Variants in PTN observed in about 807,000 individuals in gnomAD.
PTN encodes the protein pleiotrophin, also known as heparin affin regulatory protein.
A neutral mutation model predicts 24.1 loss-of-function variants in PTN; 18 were observed. The observed-to-expected ratio is 0.75, with a 90% CI of 0.52 to 1.11. The LOEUF is 1.11. PTN is among the 50% of genes least tolerant of loss of function. The probability of loss-of-function intolerance (pLI) is 0.00; values close to 1 mark genes in which losing one functional copy is unlikely to be tolerated. For missense variants in PTN, 163 were observed against 198.8 expected (o/e 0.82, Z 1.08); for synonymous variants, 78 against 68.6 (o/e 1.14, Z -0.67).
chr7:137,324,310 G>A lies in PTN; in HGVS notation c.-2+19129C>T, dbSNP rs146142094. Among the ~76,000 whole-genome samples the A allele has an allele frequency of 1.2e-4, 18 of 150,196 alleles. No homozygotes were observed. In the East Asian group the frequency reaches 2.7e-3, roughly 23 times the overall value. The stretch of plus-strand genomic sequence containing the variant: ...CTCGGAACGTGGAGAAAGAAGGACC[G>A]CCTAAGCCCAGGAGTGAATTCCTGG... On this transcript the variant is annotated intron_variant, in intron 1 of 4. Transcript: ENST00000348225.
At chr7:137,262,849 G>C (rs776250427) in intron 1 of PTN, among the ~76,000 whole-genome samples, 2 of 152,188 alleles carry the variant, frequency 1.3e-5, no homozygotes, top group Non-Finnish European at 2.9e-5. Flanking sequence ...TTACTACCAG[G>C]CTTAGGTCAG....
intron 1 of PTN, among the ~76,000 whole-genome samples, chr7:137,311,305 T>A (rs1028821098): frequency 6.6e-6 from 1 of 151,490 alleles, no homozygotes; most frequent in East Asian, 1.9e-4. Context: ...TGAAAAAAAA[T>A]GTTGTGATTG....
chr7:137,259,753 A>G (rs2128872359), intron 1 of PTN, among the ~76,000 whole-genome samples: 1 of 152,086 alleles, frequency 6.6e-6, no homozygotes, highest in Admixed American at 6.6e-5. Context: ...TTATCAGGAC[A>G]CAAATTAAAT....
rs147737391 is a variant in PTN, at chr7:137,311,345, T to G, written c.-2+32094A>C. On this transcript the variant is annotated intron_variant, in intron 1 of 4. Coordinates refer to ENST00000348225, the MANE Select transcript of PTN (RefSeq NM_002825.7). Reference sequence around the variant, plus strand: ...GAACTTGTATCCAGACCACTCAAACTTTCTCCATATCAACAATGAGGTTAT... The same window carrying G: ...GAACTTGTATCCAGACCACTCAAACGTTCTCCATATCAACAATGAGGTTAT... Among the ~76,000 whole-genome samples the G allele has an allele frequency of 2.7e-3, 407 of 152,316 alleles. 4 individuals are homozygous for G. The highest frequency in any genetic ancestry group is 9.3e-3 in the African/African-American group (388 of 41,566).
chr7:137,291,967 C>G (rs953880724), intron 1 of PTN, among the ~76,000 whole-genome samples: 2 of 152,156 alleles, frequency 1.3e-5, no homozygotes, highest in Non-Finnish European at 2.9e-5. Context: ...TGGCATCCTC[C>G]TCTAATAACC....
chr7:137,252,777 T>G lies in PTN; in HGVS notation c.289+687A>C, dbSNP rs147278254. ...ATTGTGGAAGAGGTTATTTGAGGGT[T>G]CAATACTGGATATAAAGTTGAAAGT... On this transcript the variant is annotated intron_variant, in intron 3 of 4. Coordinates refer to ENST00000348225, the MANE Select transcript of PTN (RefSeq NM_002825.7). 2.1e-3 allele frequency among the ~76,000 whole-genome samples: 314 copies of G among 151,978 alleles called. 14 individuals carry two copies. Among genetic ancestry groups the G allele is most frequent in the African/African-American group, 7.1e-3 (294 of 41,242 alleles).
intron 1 of PTN, among the ~76,000 whole-genome samples, chr7:137,337,513 T>C (rs2128883767): frequency 6.6e-6 from 1 of 152,300 alleles, no homozygotes; most frequent in South Asian, 2.1e-4. Flanking sequence ...TATAGCTACA[T>C]AGAAGTTATA....
chr7:137,239,526 A>G (rs888881349), intron 4 of PTN, among the ~76,000 whole-genome samples: 2 of 151,838 alleles, frequency 1.3e-5, no homozygotes, highest in Non-Finnish European at 2.9e-5. Context: ...CATTAGGTAT[A>G]TCTCCCAGTG....
intron 4 of PTN, among the ~76,000 whole-genome samples, chr7:137,241,979 A>C (rs903048069): frequency 6.6e-6 from 1 of 152,182 alleles, no homozygotes; most frequent in East Asian, 1.9e-4. Context: ...CTCCCAGCCT[A>C]GCAAAGCCCA....
At chr7:137,343,029 T>A (rs1362622944) in intron 1 of PTN, among the ~76,000 whole-genome samples, 1 of 151,848 alleles carries the variant, frequency 6.6e-6, no homozygotes. Context: ...GCTGGGAAAA[T>A]GAGAGCTGCT....
intron 1 of PTN, among the ~76,000 whole-genome samples, chr7:137,276,720 T>A (rs1249478038): frequency 6.6e-6 from 1 of 152,206 alleles, no homozygotes; most frequent in Non-Finnish European, 1.5e-5. Flanking sequence ...TGCATGGTAT[T>A]GGTGAAGTCT....
At chr7:137,296,474 T>A (rs1809719736) in intron 1 of PTN, among the ~76,000 whole-genome samples, 1 of 152,014 alleles carries the variant, frequency 6.6e-6, no homozygotes. Context: ...AGAGACAATT[T>A]GGTTTTGGAG....
chr7:137,252,663 T>C (rs1009346225), intron 3 of PTN, among the ~76,000 whole-genome samples: 1 of 151,872 alleles, frequency 6.6e-6, no homozygotes, highest in East Asian at 1.9e-4. Flanking sequence ...TCCTCACTTG[T>C]CTATGGGCCA....
intron 1 of PTN, among the ~76,000 whole-genome samples, chr7:137,310,630 T>G (rs900256714): frequency 6.6e-6 from 1 of 152,074 alleles, no homozygotes; most frequent in African/African-American, 2.4e-5. Context: ...GGTCTCAATC[T>G]CCTGACCTCA....
intron 2 of PTN, among the ~76,000 whole-genome samples, chr7:137,254,370 G>A (rs1808881271): frequency 6.6e-6 from 1 of 151,774 alleles, no homozygotes; most frequent in South Asian, 2.1e-4. Flanking sequence ...TCTCTGCCTT[G>A]TAGAAGGAAT....
chr7:137,274,250 C>A (rs1005266528), intron 1 of PTN, among the ~76,000 whole-genome samples: 1 of 152,140 alleles, frequency 6.6e-6, no homozygotes, highest in African/African-American at 2.4e-5. Context: ...TCACTACTCA[C>A]TGACTTCCTT....
intron 1 of PTN, among the ~76,000 whole-genome samples, chr7:137,329,580 A>G (rs1267501100): frequency 6.6e-6 from 1 of 152,226 alleles, no homozygotes; most frequent in African/African-American, 2.4e-5. Context: ...AGCAGAAGAA[A>G]AAAGCAGGAG....
chr7:137,240,400 A>G (rs1457543628), intron 4 of PTN, among the ~76,000 whole-genome samples: 1 of 152,178 alleles, frequency 6.6e-6, no homozygotes, highest in African/African-American at 2.4e-5. Flanking sequence ...TTGCCACTCT[A>G]TGTGGTACAC....
At chr7:137,321,475 A>G (rs1486661256) in intron 1 of PTN, among the ~76,000 whole-genome samples, 1 of 152,220 alleles carries the variant, frequency 6.6e-6, no homozygotes, top group Non-Finnish European at 1.5e-5. Context: ...TAATTGCAAA[A>G]TTAGTGGCAA....
Sources: allele counts gnomAD v4.1 joint callset (sites outside exome capture counted in the v4.1 genomes callset), GRCh38; gene constraint gnomAD v4.1.1; transcripts MANE v1.5; gene names NCBI Gene and HGNC (gene_info 2026-07-23, HGNC 2026-07-21).